The following EBF3 variants were observed in gnomAD, a reference collection of about 807,000 sequenced individuals.
EBF3 encodes transcription factor COE3.
EBF3 carries 18 observed loss-of-function variants against 77.1 expected under a neutral mutation model. That is an observed-to-expected ratio of 0.23 (90% CI 0.16 to 0.35). The LOEUF is 0.35. Ranked by LOEUF, EBF3 falls within the 10% of genes least tolerant of loss-of-function variation. The pLI is 1.00. For missense variants in EBF3, 558 were observed against 860.0 expected (o/e 0.65, Z 4.39); for synonymous variants, 350 against 343.5 (o/e 1.02, Z -0.21).
chr10:129,866,827 A>G (rs1852049724), intron 10 of EBF3, among the ~76,000 whole-genome samples: 1 of 152,148 alleles, frequency 6.6e-6, no homozygotes, highest in African/African-American at 2.4e-5. Flanking sequence ...CAGCTGCCGC[A>G]GTGGTAGCTG....
chr10:129,962,608 C>T (rs1859614925), intron 3 of EBF3, among the ~76,000 whole-genome samples: 1 of 151,504 alleles, frequency 6.6e-6, no homozygotes, highest in Non-Finnish European at 1.5e-5. Flanking sequence ...AAAAAAAACT[C>T]GTTCACAGGA....
chr10:129,866,058 C>T (rs1276664479), intron 10 of EBF3, among the ~76,000 whole-genome samples: 1 of 152,334 alleles, frequency 6.6e-6, no homozygotes, highest in East Asian at 1.9e-4. Flanking sequence ...AAACATCTCT[C>T]AAATGTCACA....
intron 11 of EBF3, among the ~76,000 whole-genome samples, chr10:129,847,091 C>T (rs112788583): frequency 1.3e-5 from 2 of 152,192 alleles, no homozygotes; most frequent in African/African-American, 4.8e-5. Context: ...CAGCTGCCAG[C>T]GGGGAGGACT....
Position 129,963,001 on chromosome 10 carries a change from G to A in EBF3, c.296C>T (p.Pro99Leu), listed in dbSNP as rs1859644202. ...FVDFVEKEKE[P>L]NNEKTNNGIH... The stretch of plus-strand genomic sequence containing the variant: ...GCCGTTGTTGGTTTTCTCGTTGTTT[G>A]GCTCCTGAAAGTAACGATAAATAAT... Residue 99 changes from proline (P) to leucine (L), a missense_variant, in exon 3 of 17, where the codon CCA (proline) becomes CTA (leucine). Physicochemically the swap from Pro to Leu is moderately conservative, Grantham distance 98 (BLOSUM62 -3). This residue lies in a region of EBF3 where 84 missense variants were observed against 142.3 expected (regional missense o/e 0.59). Coordinates refer to ENST00000440978, the MANE Select transcript of EBF3 (RefSeq NM_001375380.1). This position sits in a 1 kb window ranked among gnomAD's most constrained non-coding sequence, Gnocchi z 7.1. The A allele has an allele frequency of 2.5e-6, 4 of 1,613,986 alleles. No individual in the cohort carries two copies. Among genetic ancestry groups the A allele is most frequent in the Admixed American group, 1.7e-5 (1 of 60,006 alleles).
chr10:129,854,026 T>C (rs1564827228), intron 10 of EBF3, among the ~76,000 whole-genome samples: 13 of 152,186 alleles, frequency 8.5e-5, no homozygotes. Context: ...GCATTAAAAA[T>C]GTGTGGCCAC....
In EBF3 at chr10:129,841,046, C is replaced by CCCCCA. The variant is rs1554892412; in HGVS notation, c.1373-15_1373-14insTGGGG. On this transcript the variant is annotated splice_polypyrimidine_tract_variant and intron_variant, in intron 13 of 16. Coordinates refer to ENST00000440978, the MANE Select transcript of EBF3 (RefSeq NM_001375380.1). The surrounding 1 kb of genome is among the most constrained non-coding windows in gnomAD (Gnocchi z 4.6). ...GACTGTAGCCGACTGTTGAAATCCCCCCCCCGGCCAAAAATAACATTATTA... is the reference window on the plus strand; with the variant it reads ...GACTGTAGCCGACTGTTGAAATCCCCCCCCACCCCCGGCCAAAAATAACATTATTA... 6 of 1,602,488 alleles carry CCCCCA rather than the reference C, an allele frequency of 3.7e-6. No individual in the cohort carries two copies. The highest frequency in any genetic ancestry group is 5.1e-6 in the Non-Finnish European group (6 of 1,174,602).
chr10:129,852,654 G>T (rs185058940), intron 10 of EBF3, among the ~76,000 whole-genome samples: 416 of 152,184 alleles, frequency 2.7e-3, no homozygotes, highest in African/African-American at 8.8e-3. Flanking sequence ...ACTTATAAAC[G>T]TCATTCAATT....
rs2134094059 is a variant in EBF3 at position 129,870,501 on chromosome 10, C to T, written c.782-2589G>A. Among the ~76,000 whole-genome samples the T allele has an allele frequency of 6.6e-6, 1 of 152,190 alleles. No individual in the cohort carries two copies. The highest frequency in any genetic ancestry group is 2.1e-4 in the South Asian group (1 of 4,820). ...TTCAGCGTGGCCCACCCTCCTGGGG[C>T]CCCGAGCTGCCAGGGTCCAGAGAAA... On this transcript the variant is annotated intron_variant, in intron 8 of 16. Transcript: ENST00000440978. This position sits in a 1 kb window ranked among gnomAD's most constrained non-coding sequence, Gnocchi z 4.4.
intron 6 of EBF3, among the ~76,000 whole-genome samples, chr10:129,931,116 T>A (rs911047592): frequency 6.6e-6 from 1 of 152,168 alleles, no homozygotes; most frequent in Non-Finnish European, 1.5e-5. Context: ...CCCTCTCATA[T>A]ACCTATATCT....
chr10:129,860,738 G>T (rs563470305), intron 10 of EBF3, among the ~76,000 whole-genome samples: 1 of 152,320 alleles, frequency 6.6e-6, no homozygotes, highest in Admixed American at 6.5e-5. Context: ...CAGCCTGGTT[G>T]GGAAATTAGC....
At position 129,881,828 on chromosome 10, in the gene EBF3, C is replaced by T. The variant is rs550858465; in HGVS notation, c.555-3979G>A. Among the ~76,000 whole-genome samples, 22 of 152,198 alleles carry T rather than the reference C, an allele frequency of 1.4e-4. 1 individual carries two copies. The highest frequency in any genetic ancestry group is 4.3e-4 in the African/African-American group (18 of 41,538). On this transcript the variant is annotated intron_variant, in intron 6 of 16. Transcript: ENST00000440978. ...TATCTTGAGTTTAATCTAGAAATCC[C>T]GAGGCCCTCATTTCTGCTGGGACAA...
Position 129,875,187 on chromosome 10 carries a change from C to CTT in EBF3, c.637-1593_637-1592dup, listed in dbSNP as rs1193539598. On this transcript the variant is annotated intron_variant, in intron 7 of 16. Transcript: ENST00000440978. ...ATACATGTGCAAGTGATGGCTTCTT[C>CTT]TTTTTTTTTTTTTTTTTTTTTTTTT... Among the ~76,000 whole-genome samples the CTT allele has an allele frequency of 1.2e-3, 111 of 92,936 alleles. 1 individual carries two copies. Among genetic ancestry groups the CTT allele is most frequent in the Non-Finnish European group, 1.3e-3 (59 of 46,168 alleles). 61.0% of individuals were successfully genotyped at this position (92,936 alleles called of 152,430 possible).
At chr10:129,917,651 CAAAAAAAA>C (rs71481019) in intron 6 of EBF3, among the ~76,000 whole-genome samples, 21 of 23,598 alleles carry the variant, frequency 8.9e-4, no homozygotes, top group South Asian at 3.8e-3. Flanking sequence ...GACCCTGCCT[CAAAAAAAA>C]AAAAAAAAAA....
At chr10:129,957,675 G>C (rs1223434039) in intron 5 of EBF3, among the ~76,000 whole-genome samples, 1 of 152,136 alleles carries the variant, frequency 6.6e-6, no homozygotes, top group Non-Finnish European at 1.5e-5. Flanking sequence ...TCACAGCTTC[G>C]GCTTTTGTTT....
At chr10:129,843,105 A>T in intron 12 of EBF3, 32 bp downstream of exon 12, 1 of 1,538,582 alleles carries the variant, frequency 6.5e-7, no homozygotes, top group Non-Finnish European at 8.9e-7. Flanking sequence ...CATGGGGGGG[A>T]GGATGGGCGA....
intron 6 of EBF3, among the ~76,000 whole-genome samples, chr10:129,948,625 G>T (rs1203925419): frequency 6.6e-6 from 1 of 151,784 alleles, no homozygotes; most frequent in Non-Finnish European, 1.5e-5. Context: ...GGGAAACTGG[G>T]GGGTGGGGGG....
chr10:129,933,035 A>C (rs936750705), intron 6 of EBF3, among the ~76,000 whole-genome samples: 5 of 152,156 alleles, frequency 3.3e-5, no homozygotes, highest in African/African-American at 9.7e-5. Context: ...AAAAAGACCC[A>C]AAAATTATCA....
chr10:129,867,704 C>G, intron 9 of EBF3, 78 bp downstream of exon 9: 1 of 1,585,548 alleles, frequency 6.3e-7, no homozygotes, highest in Admixed American at 1.7e-5. Context: ...CACCTTGTGT[C>G]AATACACTAT....
intron 6 of EBF3, among the ~76,000 whole-genome samples, chr10:129,922,531 C>A (rs1856381913): frequency 6.6e-6 from 1 of 152,210 alleles, no homozygotes. Context: ...TTTAGGGGAG[C>A]TTTGTAAACA....
Sources: gnomAD v4.1 joint callset for allele counts (sites outside exome capture counted in the v4.1 genomes callset) on GRCh38, gnomAD v4.1.1 for gene constraint, gnomAD v4.1.1 regional missense constraint, Gnocchi (gnomAD v3.1) non-coding constraint, MANE v1.5 for transcripts, NCBI Gene and HGNC (gene_info 2026-07-23, HGNC 2026-07-21) for gene names.